The following CCDC171 variants were observed in gnomAD, a reference collection of about 807,000 sequenced individuals.
CCDC171 encodes coiled-coil domain containing 171, also known as coiled-coil domain-containing protein 171.
In CCDC171, 177 loss-of-function variants were observed where a neutral mutation model predicts 168.2. The observed-to-expected ratio is 1.05, with a 90% CI of 0.93 to 1.19. CCDC171 has a LOEUF of 1.19. Ranked by LOEUF, CCDC171 falls within the 50% of genes most tolerant of loss-of-function variation. The pLI is 0.00. For missense variants in CCDC171, 1,991 were observed against 1,539.0 expected, an observed-to-expected ratio of 1.29 and a Z score of -4.91; for synonymous variants, 687 against 540.8, an observed-to-expected ratio of 1.27 and a Z score of -3.75.
chr9:15,763,527 G>A (rs775395011), intron 18 of CCDC171, among the ~76,000 whole-genome samples: 1 of 152,120 alleles, frequency 6.6e-6, no homozygotes, highest in Non-Finnish European at 1.5e-5. Context: ...AAACTATCAG[G>A]TGTGGTCTGG....
chr9:15,947,074 C>T (rs1011287879), intron 25 of CCDC171, among the ~76,000 whole-genome samples: 2 of 151,856 alleles, frequency 1.3e-5, no homozygotes, highest in Non-Finnish European at 2.9e-5. Context: ...ACAAGTCAAA[C>T]TAAGTTGGGA....
intron 21 of CCDC171, among the ~76,000 whole-genome samples, chr9:15,836,755 G>C (rs532679012): frequency 2.6e-5 from 4 of 152,262 alleles, no homozygotes; most frequent in African/African-American, 9.6e-5. Context: ...CAAGTAACTT[G>C]ACCATTCCTG....
chr9:15,887,967 G>A (rs770211), intron 24 of CCDC171: 59,235 of 152,078 alleles, frequency 0.39, 11,771 homozygotes, highest in Non-Finnish European at 0.42. Flanking sequence ...GAGTATGAGA[G>A]AGGGCCCTCA....
chr9:15,645,522 C>G (rs780411501), intron 7 of CCDC171, among the ~76,000 whole-genome samples: 8 of 152,140 alleles, frequency 5.3e-5, no homozygotes, highest in Non-Finnish European at 1.0e-4. Flanking sequence ...GAATGGCTAA[C>G]TAGAATAAAC....
chr9:15,633,574 T>G (rs2045935301), intron 7 of CCDC171, among the ~76,000 whole-genome samples: 1 of 152,116 alleles, frequency 6.6e-6, no homozygotes, highest in African/African-American at 2.4e-5. Flanking sequence ...ACACTGTTGG[T>G]GGGACTGTAA....
chr9:15,607,575 C>T (rs924893293), intron 6 of CCDC171, among the ~76,000 whole-genome samples: 1 of 152,136 alleles, frequency 6.6e-6, no homozygotes, highest in Non-Finnish European at 1.5e-5. Context: ...AATCCTCCCA[C>T]CTCAGCCTCC....
rs1314097071 is a variant in CCDC171 at position 15,784,545 on chromosome 9, G to A, written c.3118G>A (p.Glu1040Lys). The A allele has an allele frequency of 6.2e-7, 1 of 1,612,962 alleles. No homozygotes were observed. The highest frequency in any genetic ancestry group is 8.5e-7 in the Non-Finnish European group (1 of 1,179,432). The change falls in exon 21 of 26, where the codon GAA becomes AAA. Residue 1040 changes from glutamate (E) to lysine (K), a missense_variant. Physicochemically the swap from Glu to Lys is moderately conservative, Grantham distance 56 (BLOSUM62 1). Coordinates refer to ENST00000380701, the MANE Select transcript of CCDC171 (RefSeq NM_173550.4). ...CCATGAGAAGTTTGAAAGTGCATGT[G>A]AAGAACTAAATAATGCATTACTTCG... ...ITHEKFESAC[E>K]ELNNALLREE...
At chr9:15,593,754 T>A (rs1205355065) in intron 5 of CCDC171, among the ~76,000 whole-genome samples, 1 of 151,990 alleles carries the variant, frequency 6.6e-6, no homozygotes, top group African/African-American at 2.4e-5. Context: ...TATCCCTATA[T>A]AATAAACAGG....
At chr9:15,743,044 G>T (rs966291050) in intron 16 of CCDC171, among the ~76,000 whole-genome samples, 5 of 151,272 alleles carry the variant, frequency 3.3e-5, no homozygotes, top group African/African-American at 9.8e-5. Context: ...CTCCAAAAGT[G>T]CTGGGATTAT....
rs1431951743 is a variant in CCDC171, at chr9:15,874,597, C to T, written c.3534C>T (p.Pro1178=). ...GGAATGACTTCACCCTACAGCTACCCAAACTGCACCTGGAGACCTTTGCAA... is the reference window on the plus strand; with the variant it reads ...GGAATGACTTCACCCTACAGCTACCTAAACTGCACCTGGAGACCTTTGCAA... ...ASRNDFTLQL[P]KLHLETFAME... is the part of the protein sequence containing the mutation. Residue 1178 remains proline, a synonymous_variant, in exon 24 of 26, where the codon CCC becomes CCT. Coordinates refer to ENST00000380701, the MANE Select transcript of CCDC171 (RefSeq NM_173550.4). The T allele has an allele frequency of 6.2e-7, 1 of 1,607,136 alleles. No homozygotes were observed. The highest frequency in any genetic ancestry group is 8.5e-7 in the Non-Finnish European group (1 of 1,176,922).
chr9:15,717,461 A>G (rs1326674826), intron 11 of CCDC171, among the ~76,000 whole-genome samples: 1 of 152,194 alleles, frequency 6.6e-6, no homozygotes. Flanking sequence ...GCTCGGAGCC[A>G]GTGGACTTAG....
At chr9:15,883,164 G>A (rs974398650) in intron 24 of CCDC171, 3 of 338,260 alleles carry the variant, frequency 8.9e-6, no homozygotes, top group Non-Finnish European at 1.8e-5. Flanking sequence ...GAGTACCTAG[G>A]ACCACAGGTG....
chr9:15,999,806 A>G (rs1832486821), intron 3 of CCDC171, among the ~76,000 whole-genome samples: 1 of 152,128 alleles, frequency 6.6e-6, no homozygotes, highest in African/African-American at 2.4e-5. Flanking sequence ...CTGCTCTTAG[A>G]TTCCACAACT....
At chr9:15,627,665 G>A (rs1164817005) in intron 7 of CCDC171, among the ~76,000 whole-genome samples, 1 of 152,194 alleles carries the variant, frequency 6.6e-6, no homozygotes, top group African/African-American at 2.4e-5. Flanking sequence ...TAGTTTGAAT[G>A]CACTGTGGTC....
chr9:15,599,938 A>G (rs1175384529), intron 6 of CCDC171, among the ~76,000 whole-genome samples: 1 of 151,904 alleles, frequency 6.6e-6, no homozygotes, highest in Non-Finnish European at 1.5e-5. Flanking sequence ...AGTTGATCGA[A>G]TCGGCTACTG....
At chr9:16,087,792 T>A in the CCDC171 span, among the ~76,000 whole-genome samples, 9 of 152,164 alleles carry the variant, frequency 5.9e-5, no homozygotes, top group Non-Finnish European at 1.3e-4. Flanking sequence ...GTCATTATGA[T>A]GCTAGCTGGT....
At chr9:15,911,782 C>A (rs954480374) in intron 24 of CCDC171, among the ~76,000 whole-genome samples, 9 of 152,258 alleles carry the variant, frequency 5.9e-5, no homozygotes, top group African/African-American at 2.2e-4. Flanking sequence ...CCAGTTTTCC[C>A]AACACCATTT....
intron 25 of CCDC171, among the ~76,000 whole-genome samples, chr9:15,967,164 T>C (rs1830880812): frequency 6.6e-6 from 1 of 152,116 alleles, no homozygotes; most frequent in African/African-American, 2.4e-5. Flanking sequence ...GAAAGAAAAC[T>C]TTGTGACACT....
intron 21 of CCDC171, among the ~76,000 whole-genome samples, chr9:15,786,041 GT>G (rs1646271222): frequency 6.6e-6 from 1 of 152,046 alleles, no homozygotes; most frequent in Non-Finnish European, 1.5e-5. Context: ...AAATATAGAT[GT>G]CCTTTACGAA....
Sources: allele counts gnomAD v4.1 joint callset (sites outside exome capture counted in the v4.1 genomes callset), GRCh38; gene constraint gnomAD v4.1.1; transcripts MANE v1.5; gene names NCBI Gene and HGNC (gene_info 2026-07-23, HGNC 2026-07-21).